Variants in NEGR1 observed in about 807,000 individuals in gnomAD.
NEGR1 encodes IgLON family member 4.
Under a neutral mutation model 40.9 loss-of-function variants are expected in NEGR1, and 10 were observed. The observed-to-expected ratio is 0.24, with a 90% CI of 0.15 to 0.42. NEGR1 has a LOEUF of 0.42. Ranked by LOEUF, NEGR1 falls within the 10% of genes least tolerant of loss-of-function variation. NEGR1 has a pLI of 1.00. For missense variants in NEGR1, 352 were observed against 438.9 expected (o/e 0.80, Z 1.77); for synonymous variants, 185 against 166.8 (o/e 1.11, Z -0.84).
At chr1:71,434,959 C>T (rs560968738) in intron 6 of NEGR1, among the ~76,000 whole-genome samples, 5 of 151,948 alleles carry the variant, frequency 3.3e-5, no homozygotes, top group South Asian at 2.1e-4. Flanking sequence ...GGCATAGTGG[C>T]GGGCGCCTGT....
chr1:71,897,160 A>AATATAT lies in NEGR1; in HGVS notation c.409+37913_409+37918dup, dbSNP rs545897885. The stretch of plus-strand genomic sequence containing the variant: ...GTATATAGACATATATATGTTATAG[A>AATATAT]ATATATATATATATACTATAACTCG... On this transcript the variant is annotated intron_variant, in intron 2 of 6. Coordinates refer to ENST00000357731, the MANE Select transcript of NEGR1 (RefSeq NM_173808.3). Among the ~76,000 whole-genome samples, 12 of 150,320 alleles carry AATATAT rather than the reference A, an allele frequency of 8.0e-5. No homozygotes were observed. The East Asian group carries it at 9.7e-4, about 12-fold the overall frequency.
At chr1:71,977,599 A>G (rs1339188109) in intron 1 of NEGR1, among the ~76,000 whole-genome samples, 3 of 152,086 alleles carry the variant, frequency 2.0e-5, no homozygotes, top group Admixed American at 1.3e-4. Context: ...TATTTTTTGT[A>G]ACAGAAAAGA....
intron 6 of NEGR1, chr1:71,487,964 C>T (rs1324767999): frequency 1.3e-5 from 2 of 151,610 alleles, no homozygotes; most frequent in Non-Finnish European, 3.0e-5. Context: ...TTCCAACAAC[C>T]TTCTGATGTT....
At chr1:72,010,828 C>T (rs372459763) in intron 1 of NEGR1, among the ~76,000 whole-genome samples, 5 of 152,070 alleles carry the variant, frequency 3.3e-5, no homozygotes, top group African/African-American at 9.7e-5. Context: ...AAGCACAAGA[C>T]GTCATCATTC....
chr1:71,488,565 G>A (rs1227778964), intron 6 of NEGR1, among the ~76,000 whole-genome samples: 1 of 151,700 alleles, frequency 6.6e-6, no homozygotes, highest in African/African-American at 2.4e-5. Flanking sequence ...TTTCCAAACA[G>A]TGCAATAACT....
intron 1 of NEGR1, among the ~76,000 whole-genome samples, chr1:72,109,573 A>T (rs1205233144): frequency 1.3e-5 from 2 of 151,732 alleles, no homozygotes; most frequent in African/African-American, 4.8e-5. Flanking sequence ...ATATTCCAAA[A>T]GTATGAACAT....
chr1:72,123,498 AATAAAACATTTGCCTTT>A (rs963023810), intron 1 of NEGR1, among the ~76,000 whole-genome samples: 1 of 151,774 alleles, frequency 6.6e-6, no homozygotes, highest in African/African-American at 2.4e-5. Context: ...GATAAAGGCA[AATAAAACATTTGCCTTT>A]ATGGCAAATG....
At chr1:71,722,296 C>T (rs978179507) in intron 3 of NEGR1, among the ~76,000 whole-genome samples, 7 of 151,988 alleles carry the variant, frequency 4.6e-5, no homozygotes, top group African/African-American at 1.5e-4. Context: ...GTTTCCTAAC[C>T]TTAGAAAAAC....
intron 1 of NEGR1, among the ~76,000 whole-genome samples, chr1:72,202,903 C>T (rs966567367): frequency 2.6e-5 from 4 of 151,940 alleles, no homozygotes; most frequent in East Asian, 1.9e-4. Flanking sequence ...AAAGCCTGGA[C>T]GAAAGCACAT....
At chr1:71,895,464 C>T (rs1196076936) in intron 2 of NEGR1, among the ~76,000 whole-genome samples, 1 of 152,176 alleles carries the variant, frequency 6.6e-6, no homozygotes, top group East Asian at 1.9e-4. Flanking sequence ...TTCATCCCTT[C>T]CTCTTGCCCC....
chr1:72,080,826 T>C (rs1196622394), intron 1 of NEGR1, among the ~76,000 whole-genome samples: 1 of 152,124 alleles, frequency 6.6e-6, no homozygotes, highest in Non-Finnish European at 1.5e-5. Context: ...ATAAATTGTA[T>C]GTATACTCAA....
chr1:71,637,262 A>G lies in NEGR1; in HGVS notation c.668-26116T>C, dbSNP rs577088738. On this transcript the variant is annotated intron_variant, in intron 4 of 6. Coordinates refer to ENST00000357731, the MANE Select transcript of NEGR1 (RefSeq NM_173808.3). ...CAAGTTCCATGTTTATTCAAAGCAA[A>G]TATTCATTAAGTAACTTATATGTCC... 9.4e-4 allele frequency among the ~76,000 whole-genome samples: 143 copies of G among 152,158 alleles called. 2 individuals are homozygous for G. In the South Asian group the frequency reaches 0.029, roughly 31 times the overall value.
chr1:72,234,699 C>G (rs754139566), intron 1 of NEGR1, among the ~76,000 whole-genome samples: 6 of 151,876 alleles, frequency 4.0e-5, no homozygotes, highest in Non-Finnish European at 7.4e-5. Flanking sequence ...TCAATATTAC[C>G]GATCATTAGA....
intron 3 of NEGR1, among the ~76,000 whole-genome samples, chr1:71,711,341 C>CAAAAAAAAAAAAA (rs59376519): frequency 1.7e-5 from 1 of 58,698 alleles, no homozygotes; most frequent in Admixed American, 2.8e-4. Flanking sequence ...GAGATTCCAC[C>CAAAAAAAAAAAAA]AAAAAAAAAA....
At chr1:71,524,315 AGTGTGTGTGTGTGTGTGTGT>A (rs60790381) in intron 6 of NEGR1, among the ~76,000 whole-genome samples, 1 of 140,566 alleles carries the variant, frequency 7.1e-6, no homozygotes, top group African/African-American at 2.6e-5. Context: ...TTTAAATAGG[AGTGTGTGTGTGTGTGTGTGT>A]GTGTGTGTGT....
In NEGR1 at chr1:71,746,426, A is replaced by G. The variant is rs1449694640; in HGVS notation, c.535+29746T>C. ...TTTCAGCAAATCTGAAATACTCTTTAGTCTAAGATTATCTGGTTATAACTG... is the reference window on the plus strand; with the variant it reads ...TTTCAGCAAATCTGAAATACTCTTTGGTCTAAGATTATCTGGTTATAACTG... On this transcript the variant is annotated intron_variant, in intron 3 of 6. Coordinates refer to ENST00000357731, the MANE Select transcript of NEGR1 (RefSeq NM_173808.3). Among the ~76,000 whole-genome samples the G allele has an allele frequency of 2.6e-5, 4 of 152,332 alleles. No homozygotes were observed. The East Asian group carries it at 7.7e-4, about 29-fold the overall frequency.
intron 3 of NEGR1, among the ~76,000 whole-genome samples, chr1:71,713,002 C>G (rs1045339456): frequency 6.6e-6 from 1 of 152,162 alleles, no homozygotes; most frequent in Admixed American, 6.5e-5. Flanking sequence ...AACATGTTTT[C>G]TTCATTAATT....
chr1:72,121,338 C>A (rs940373101), intron 1 of NEGR1, among the ~76,000 whole-genome samples: 1 of 151,892 alleles, frequency 6.6e-6, no homozygotes, highest in East Asian at 1.9e-4. Context: ...ACTATAAGTA[C>A]GTAAGTTTGC....
At position 71,542,358 on chromosome 1, in the gene NEGR1, T is replaced by C. The variant is rs1178582999; in HGVS notation, c.940+50459A>G. Among the ~76,000 whole-genome samples, 3 of 151,726 alleles carry C rather than the reference T, an allele frequency of 2.0e-5. No individual in the cohort carries two copies. In the East Asian group the frequency reaches 5.9e-4, roughly 30 times the overall value. ...GGAAGTCAGATGGATTCTTTGCTGGTACGAGCCTGTTGACAAGTTTAGCAA... is the reference window on the plus strand; with the variant it reads ...GGAAGTCAGATGGATTCTTTGCTGGCACGAGCCTGTTGACAAGTTTAGCAA... On this transcript the variant is annotated intron_variant, in intron 6 of 6. Transcript: ENST00000357731.
Sources: allele counts gnomAD v4.1 joint callset (sites outside exome capture counted in the v4.1 genomes callset), GRCh38; gene constraint gnomAD v4.1.1; transcripts MANE v1.5; gene names NCBI Gene and HGNC (gene_info 2026-07-23, HGNC 2026-07-21).